KCTD1: variants seen among roughly 807,000 people sequenced by gnomAD.
The protein encoded by KCTD1 is BTB/POZ domain-containing protein KCTD1.
KCTD1 carries 24 observed loss-of-function variants against 66.0 expected under a neutral mutation model. The observed-to-expected ratio is 0.36, with a 90% CI of 0.26 to 0.51. The LOEUF (loss-of-function observed/expected upper bound fraction) is 0.51. Among genes scored for constraint, KCTD1 ranks in the 20% least tolerant of loss-of-function variants. The pLI is 0.95. For missense variants in KCTD1, 943 were observed against 1,205.2 expected, an observed-to-expected ratio of 0.78 and a Z score of 3.22; for synonymous variants, 511 against 517.2, an observed-to-expected ratio of 0.99 and a Z score of 0.16.
At chr18:26,548,830 A>AG (rs1598935701), upstream of KCTD1, 1 of 1,046,142 alleles carries the variant, frequency 9.6e-7, no homozygotes, top group Non-Finnish European at 1.1e-6. Flanking sequence ...AAAACTTTGA[A>AG]GGAAAAAAAA....
At chr18:26,655,476 CAT>C (rs1018005361) in intron 1 of KCTD1, among the ~76,000 whole-genome samples, 23 of 152,238 alleles carry the variant, frequency 1.5e-4, no homozygotes, top group African/African-American at 5.3e-4. Flanking sequence ...ACACATACCG[CAT>C]AGTCAAGGAT....
intron 4 of KCTD1, chr18:26,456,371 T>G (rs749819651): frequency 6.5e-6 from 1 of 152,760 alleles, no homozygotes; most frequent in Non-Finnish European, 1.5e-5. Flanking sequence ...AGAGTTTACT[T>G]AGTCAGTGAT....
chr18:26,554,174 A>G (rs562419313), intron 1 of KCTD1, among the ~76,000 whole-genome samples: 1 of 144,126 alleles, frequency 6.9e-6, no homozygotes, highest in African/African-American at 2.6e-5. Context: ...AGAAAAAGAA[A>G]GAAGGAAGGA....
intron 1 of KCTD1, among the ~76,000 whole-genome samples, chr18:26,603,710 T>C (rs1399438401): frequency 6.6e-6 from 1 of 151,220 alleles, no homozygotes; most frequent in African/African-American, 2.4e-5. Context: ...GCCACTGCAC[T>C]CCAGGCTGAA....
chr18:26,494,672 T>C (rs528192169), intron 2 of KCTD1, among the ~76,000 whole-genome samples: 1 of 152,310 alleles, frequency 6.6e-6, no homozygotes, highest in African/African-American at 2.4e-5. Flanking sequence ...AGGAGCAATT[T>C]TGGAAAAGCA....
chr18:26,577,538 T>C (rs1415865232), intron 1 of KCTD1, among the ~76,000 whole-genome samples: 1 of 136,132 alleles, frequency 7.3e-6, no homozygotes, highest in African/African-American at 2.6e-5. Context: ...CATGAGCATT[T>C]CTTAATTTTT....
At chr18:26,589,938 G>T (rs1986559223) in intron 1 of KCTD1, among the ~76,000 whole-genome samples, 1 of 152,094 alleles carries the variant, frequency 6.6e-6, no homozygotes, top group South Asian at 2.1e-4. Context: ...CCAGATTATT[G>T]GCAGCCACCT....
At chr18:26,570,191 A>AAAAAATATAT (rs776923644) in intron 1 of KCTD1, among the ~76,000 whole-genome samples, 28 of 132,546 alleles carry the variant, frequency 2.1e-4, no homozygotes, top group East Asian at 7.3e-4. Flanking sequence ...ATCTAAAAAA[A>AAAAAATATAT]ATATATATAT....
chr18:26,645,094 C>T (rs1250523366), upstream of KCTD1, among the ~76,000 whole-genome samples: 1 of 152,128 alleles, frequency 6.6e-6, no homozygotes, highest in African/African-American at 2.4e-5. Context: ...GAATAAAGGG[C>T]TCTGTGGTCA....
intron 1 of KCTD1, among the ~76,000 whole-genome samples, chr18:26,608,839 C>A (rs1193420797): frequency 6.6e-6 from 1 of 152,222 alleles, no homozygotes; most frequent in Non-Finnish European, 1.5e-5. Context: ...TCTTCTGGAA[C>A]AAGCCAATTG....
chr18:26,455,844 C>T lies in KCTD1; in HGVS notation c.2497G>A (p.Val833Ile), dbSNP rs1196133394. The T allele has an allele frequency of 1.2e-6, 2 of 1,614,074 alleles. No individual in the cohort carries two copies. Among genetic ancestry groups the T allele is most frequent in the East Asian group, 2.2e-5 (1 of 44,900 alleles). ...FEIVGSCGGG[V>I]DSSQFSEYVL... ...TATTCGCTGAACTGGGACGAGTCTA[C>T]TCCTCCCCCACAGGAGCCCACGATT... The change falls in exon 5 of 5, where the codon GTA (valine) becomes ATA (isoleucine). Residue 833 changes from valine (V) to isoleucine (I), a missense_variant. By Grantham distance (29) the Val-to-Ile change is conservative. Transcript: ENST00000580059.
chr18:26,455,583 C>T lies in KCTD1; in HGVS notation c.*160G>A. On this transcript the variant is annotated 3_prime_UTR_variant, in exon 5 of 5. Coordinates refer to ENST00000580059, the MANE Select transcript of KCTD1 (RefSeq NM_001142730.3). Reference sequence around the variant, plus strand: ...AGGATATCACTATTCCAATTGTTCCCATATGAATACAGGTGTGGTCTCTAT... The same window carrying T: ...AGGATATCACTATTCCAATTGTTCCTATATGAATACAGGTGTGGTCTCTAT... The T allele has an allele frequency of 1.5e-6, 1 of 667,672 alleles. No homozygotes were observed. The highest frequency in any genetic ancestry group is 2.5e-6 in the Non-Finnish European group (1 of 399,770). The allele number at this position is 667,672 out of a possible 1,614,324, so 41.4% of individuals were successfully genotyped here.
At chr18:26,619,004 GTCTTC>G (rs1987316441) in intron 1 of KCTD1, among the ~76,000 whole-genome samples, 1 of 152,196 alleles carries the variant, frequency 6.6e-6, no homozygotes, top group African/African-American at 2.4e-5. Context: ...CTTCCCTGGA[GTCTTC>G]GGCCTTCTCT....
chr18:26,486,511 G>T (rs1183409541), intron 2 of KCTD1, among the ~76,000 whole-genome samples: 1 of 152,174 alleles, frequency 6.6e-6, no homozygotes, highest in Non-Finnish European at 1.5e-5. Flanking sequence ...ATCTGTGTTG[G>T]AAGGACTGTT....
intron 1 of KCTD1, among the ~76,000 whole-genome samples, chr18:26,542,167 C>T (rs927539512): frequency 6.6e-6 from 1 of 152,150 alleles, no homozygotes; most frequent in South Asian, 2.1e-4. Context: ...TCTTAGAGCA[C>T]TAAAAACGTT....
chr18:26,547,758 T>A lies in KCTD1; in HGVS notation c.779A>T (p.Asn260Ile). ...GCGGATGACCGCGGCCAGCGTCAGG[T>A]TGGCGCTGCGCAGCTCGGGGTCCTT... ...LTKDPELRSANLTLAAVIRKL... is the reference protein window; with the variant it reads ...LTKDPELRSAILTLAAVIRKL... The change falls in exon 1 of 5, where the codon AAC becomes ATC. Residue 260 changes from asparagine to isoleucine, a missense_variant. Transcript: ENST00000580059. The A allele has an allele frequency of 6.5e-7, 1 of 1,543,852 alleles. No individual in the cohort carries two copies. Among genetic ancestry groups the A allele is most frequent in the Non-Finnish European group, 8.7e-7 (1 of 1,146,702 alleles).
intron 1 of KCTD1, among the ~76,000 whole-genome samples, chr18:26,572,798 T>A (rs934250093): frequency 6.6e-6 from 1 of 152,122 alleles, no homozygotes; most frequent in African/African-American, 2.4e-5. Context: ...TGTTTGTAGA[T>A]GAGAGGACAT....
In KCTD1 at chr18:26,548,403, T is replaced by C; in HGVS notation, c.134A>G (p.His45Arg). 7.0e-7 allele frequency: 1 copy of C among 1,434,386 alleles called. No homozygotes were observed. Among genetic ancestry groups the C allele is most frequent in the Non-Finnish European group, 9.2e-7 (1 of 1,091,808 alleles). 88.9% of individuals were successfully genotyped at this position (1,434,386 alleles called of 1,614,324 possible). Reference protein sequence around the residue: ...ERGAGGRGRRHSRPHYCSAGE... With the variant: ...ERGAGGRGRRRSRPHYCSAGE... ...CGCGCTGCAGTAGTGCGGACGGCTG[T>C]GGCGGCGGCCGCGGCCCCCCGCGCC... Residue 45 changes from histidine (H) to arginine (R), a missense_variant, in exon 1 of 5, where the codon CAC becomes CGC. Physicochemically the swap from His to Arg is conservative, Grantham distance 29. Around this residue, in one of 10 missense-constraint regions of KCTD1, gnomAD observed 236 missense variants for 206.6 expected, o/e 1.14. Coordinates refer to ENST00000580059, the MANE Select transcript of KCTD1 (RefSeq NM_001142730.3).
At chr18:26,535,479 C>T (rs546847763) in intron 1 of KCTD1, among the ~76,000 whole-genome samples, 85 of 151,778 alleles carry the variant, frequency 5.6e-4, no homozygotes, top group Non-Finnish European at 4.4e-4. Flanking sequence ...TAAAAAAAGT[C>T]CGCAAGTCAA....
Sources: gnomAD v4.1 joint callset for allele counts (sites outside exome capture counted in the v4.1 genomes callset) on GRCh38, gnomAD v4.1.1 for gene constraint, gnomAD v4.1.1 regional missense constraint, MANE v1.5 for transcripts, NCBI Gene and HGNC (gene_info 2026-07-23, HGNC 2026-07-21) for gene names.